Variants in SNURF observed in about 807,000 individuals in gnomAD.
The protein encoded by SNURF is SNRPN upstream open reading frame.
A neutral mutation model predicts 11.6 loss-of-function variants in SNURF; 6 were observed. That is an observed-to-expected ratio of 0.52 (90% CI 0.28 to 1.02). The LOEUF (loss-of-function observed/expected upper bound fraction) is 1.02, where lower values mean the gene tolerates loss of function less well. SNURF is among the 50% of genes least tolerant of loss of function. SNURF has a pLI of 0.09. For missense variants in SNURF, 84 were observed against 88.4 expected, an observed-to-expected ratio of 0.95 and a Z score of 0.20; for synonymous variants, 29 against 31.6, an observed-to-expected ratio of 0.92 and a Z score of 0.27.
intron 1 of SNURF, among the ~76,000 whole-genome samples, chr15:24,955,477 G>T (rs2062688832): frequency 6.6e-6 from 1 of 151,672 alleles, no homozygotes; most frequent in Non-Finnish European, 1.5e-5. Context: ...TTAGGCGGAG[G>T]TAGGTATATT....
chr15:24,976,443 A>C (rs771743216), intron 5 of SNURF: 1 of 1,458,062 alleles, frequency 6.9e-7, no homozygotes, highest in Non-Finnish European at 9.6e-7. Flanking sequence ...GCAGGACAGA[A>C]CTTTAATTTG....
exon 2 of SNURF, chr15:24,962,172 G>T (rs766822978): frequency 6.2e-7 from 1 of 1,614,144 alleles, no homozygotes; most frequent in East Asian, 2.2e-5. Flanking sequence ...GGAAGTCCAA[G>T]TCAAACGCAG....
chr15:24,973,323 A>C (rs535673832), downstream of SNURF, among the ~76,000 whole-genome samples: 1 of 152,300 alleles, frequency 6.6e-6, no homozygotes, highest in Admixed American at 6.5e-5. Flanking sequence ...GGTTTGTGTA[A>C]GTACACTGTT....
chr15:24,974,158 C>T, intron 3 of SNURF: 1 of 421,550 alleles, frequency 2.4e-6, no homozygotes, highest in Non-Finnish European at 4.3e-6. Context: ...GAATGAGGGA[C>T]TAGGGAAATG....
chr15:24,962,082 T>C lies in SNURF; in HGVS notation c.15-32T>C, dbSNP rs755140475. On this transcript the variant is annotated intron_variant, in intron 1 of 2. Coordinates refer to ENST00000577949, the Ensembl canonical transcript of SNURF. ...AGTTATTTCATAGATTGATGCAGTC[T>C]ACCAAACAAATGCCTCTCTTTTCTG... 13 of 1,549,756 alleles carry C rather than the reference T, an allele frequency of 8.4e-6. No individual in the cohort carries two copies. The East Asian group carries it at 2.9e-4, about 35-fold the overall frequency.
exon 3 of SNURF, chr15:24,968,276 T>C: frequency 2.1e-6 from 1 of 476,688 alleles, no homozygotes. Flanking sequence ...GTTTCTGTAT[T>C]CCAGTTATTG....
intron 5 of SNURF, chr15:24,976,428 G>A (rs1484239079): frequency 6.4e-7 from 1 of 1,552,372 alleles, no homozygotes; most frequent in Non-Finnish European, 8.9e-7. Context: ...TAAGGAAGAT[G>A]TAGGGCAGGA....
intron 4 of SNURF, among the ~76,000 whole-genome samples, chr15:24,975,786 C>G (rs1231984163): frequency 6.6e-6 from 1 of 151,966 alleles, no homozygotes; most frequent in Non-Finnish European, 1.5e-5. Flanking sequence ...GAGAAAAATG[C>G]TATATTAATT....
At chr15:24,978,577 A>G, downstream of SNURF, 1 of 816,412 alleles carries the variant, frequency 1.2e-6, no homozygotes, top group Non-Finnish European at 2.1e-6. Flanking sequence ...GAGCAATTAA[A>G]CTGTGAGGTA....
intron 2 of SNURF, among the ~76,000 whole-genome samples, chr15:24,964,901 A>G (rs562828832): frequency 2.2e-4 from 34 of 152,318 alleles, no homozygotes; most frequent in African/African-American, 7.9e-4. Context: ...TGAAGAAGAA[A>G]TAACTTGAGT....
Position 24,956,364 on chromosome 15 carries a change from G to T in SNURF, c.14+1302G>T, listed in dbSNP as rs2062889134. On this transcript the variant is annotated intron_variant, in intron 1 of 2. Coordinates refer to ENST00000577949, the Ensembl canonical transcript of SNURF. ...GCGCAAGCGCTTCAGCGGGGGGGTG[G>T]CCGCTTCCTCCCTGTAGAGCCGCCA... 2.0e-5 allele frequency among the ~76,000 whole-genome samples: 3 copies of T among 151,144 alleles called. No homozygotes were observed. The South Asian group carries it at 6.2e-4, about 31-fold the overall frequency.
intron 1 of SNURF, among the ~76,000 whole-genome samples, chr15:24,960,340 TG>T (rs1186251059): frequency 3.9e-5 from 6 of 151,938 alleles, no homozygotes; most frequent in Non-Finnish European, 7.4e-5. Flanking sequence ...GGCATTTCAG[TG>T]GGGGTTTTTT....
At chr15:24,962,129 G>C in exon 2 of SNURF, 1 of 1,614,128 alleles carries the variant, frequency 6.2e-7, no homozygotes, top group Non-Finnish European at 8.5e-7. Context: ...GCTTACACCT[G>C]AGACGAACTA....
chr15:24,978,282 C>A (rs1212697691), downstream of SNURF: 1 of 1,614,050 alleles, frequency 6.2e-7, no homozygotes, highest in Non-Finnish European at 8.5e-7. Context: ...AGGCATGCCG[C>A]CTCCGGGAAT....
chr15:24,963,489 C>T (rs368516074), intron 2 of SNURF, among the ~76,000 whole-genome samples: 3 of 152,046 alleles, frequency 2.0e-5, no homozygotes, highest in African/African-American at 7.2e-5. Context: ...GTGGCACGTG[C>T]CTGTAATCCC....
intron 2 of SNURF, among the ~76,000 whole-genome samples, chr15:24,967,465 C>A (rs1405870860): frequency 6.6e-6 from 1 of 151,904 alleles, no homozygotes; most frequent in Non-Finnish European, 1.5e-5. Context: ...CATGGTGAAA[C>A]CCCATCTCTA....
At chr15:24,965,660 A>C (rs945973673) in intron 2 of SNURF, among the ~76,000 whole-genome samples, 1 of 152,140 alleles carries the variant, frequency 6.6e-6, no homozygotes, top group Non-Finnish European at 1.5e-5. Context: ...GTTCGAAGGG[A>C]AATTGGAAAT....
At chr15:24,974,590 C>T in intron 3 of SNURF, 1 of 855,106 alleles carries the variant, frequency 1.2e-6, no homozygotes, top group Non-Finnish European at 2.0e-6. Flanking sequence ...ATTCTCATTG[C>T]ATTGAGTATC....
downstream of SNURF, among the ~76,000 whole-genome samples, chr15:24,972,558 T>G (rs2076553990): frequency 6.6e-6 from 1 of 150,604 alleles, no homozygotes; most frequent in Non-Finnish European, 1.5e-5. Context: ...TTTTTTTTTT[T>G]TTGAGATGGA....
Sources: allele counts gnomAD v4.1 joint callset (sites outside exome capture counted in the v4.1 genomes callset), GRCh38; gene constraint gnomAD v4.1.1; transcripts MANE v1.5; gene names NCBI Gene and HGNC (gene_info 2026-07-23, HGNC 2026-07-21).